The following ATP6V0A1 variants were observed in gnomAD, a reference collection of about 807,000 sequenced individuals.
ATP6V0A1 encodes the protein V-type proton ATPase 116 kDa subunit a 1.
A neutral mutation model predicts 105.4 loss-of-function variants in ATP6V0A1; 43 were observed. That is an observed-to-expected ratio of 0.41 (90% confidence interval 0.32 to 0.53). The LOEUF is 0.53. Ranked by LOEUF, ATP6V0A1 falls within the 20% of genes least tolerant of loss-of-function variation. The pLI is 0.30. For missense variants in ATP6V0A1, 676 were observed against 1,051.1 expected (o/e 0.64, Z 4.93); for synonymous variants, 362 against 372.8 (o/e 0.97, Z 0.33).
At position 42,473,100 on chromosome 17, in the gene ATP6V0A1, T is replaced by C. The variant is rs186150945; in HGVS notation, c.423+2882T>C. ...GGGGAAAAACTCATATGAATTTAAT[T>C]GCCTGGTCCTTTCAAGAGTCAGAAG... On this transcript the variant is annotated intron_variant, in intron 5 of 21. Coordinates refer to ENST00000343619, the MANE Select transcript of ATP6V0A1 (RefSeq NM_001130021.3). Among the ~76,000 whole-genome samples the C allele has an allele frequency of 2.1e-3, 319 of 152,304 alleles. 1 individual carries two copies. The highest frequency in any genetic ancestry group is 7.6e-3 in the African/African-American group (315 of 41,562).
rs2089069562 is a variant in ATP6V0A1, at chr17:42,478,600, G to A, written c.633+11G>A. 1.3e-6 allele frequency: 2 copies of A among 1,565,074 alleles called. No homozygotes were observed. The highest frequency in any genetic ancestry group is 8.7e-7 in the Non-Finnish European group (1 of 1,150,332). ...GAGGATCCTGTGACTGTAAGACAAG[G>A]AGATTGCATCCTGTGGAGTAGGTCT... On this transcript the variant is annotated intron_variant, in intron 7 of 21. Coordinates refer to ENST00000343619, the MANE Select transcript of ATP6V0A1 (RefSeq NM_001130021.3).
intron 11 of ATP6V0A1, among the ~76,000 whole-genome samples, chr17:42,491,682 C>T (rs555913272): frequency 1.1e-4 from 17 of 152,114 alleles, no homozygotes; most frequent in African/African-American, 2.6e-4. Context: ...GGGGTTTCAC[C>T]ATGTTGCCCA....
intron 3 of ATP6V0A1, among the ~76,000 whole-genome samples, chr17:42,467,708 A>G (rs547483202): frequency 1.4e-4 from 21 of 152,144 alleles, no homozygotes; most frequent in Non-Finnish European, 2.4e-4. Flanking sequence ...GCATTCGCGT[A>G]TGGAGGAGAG....
chr17:42,520,608 TAAC>T (rs553378474), intron 21 of ATP6V0A1: 42 of 457,686 alleles, frequency 9.2e-5, no homozygotes, highest in South Asian at 5.9e-4. Flanking sequence ...CAAGGAAAAA[TAAC>T]AAGCAAACAG....
intron 14 of ATP6V0A1, chr17:42,495,959 C>A: frequency 2.9e-6 from 1 of 349,220 alleles, no homozygotes; most frequent in Non-Finnish European, 5.3e-6. Context: ...GTAGTCCCAG[C>A]TACCCGGGAG....
chr17:42,521,072 C>T lies in ATP6V0A1; in HGVS notation c.2466C>T (p.Phe822=), dbSNP rs1431883295. ...NKFYSGTGFK[F]LPFSFEHIRE... is the part of the protein sequence containing the mutation. ...TCTACAGCGGGACCGGTTTCAAGTT[C>T]TTACCCTTCTCCTTCGAGCATATTC... Residue 822 remains phenylalanine (F), a synonymous_variant, in exon 22 of 22, where the codon TTC becomes TTT. Coordinates refer to ENST00000343619, the MANE Select transcript of ATP6V0A1 (RefSeq NM_001130021.3). The surrounding 1 kb of genome is among the most constrained non-coding windows in gnomAD (Gnocchi z 4.8). 1 of 1,610,872 alleles carries T rather than the reference C, an allele frequency of 6.2e-7. No homozygotes were observed. The highest frequency in any genetic ancestry group is 1.1e-5 in the South Asian group (1 of 90,616).
chr17:42,490,424 G>T, intron 10 of ATP6V0A1, 63 bp from the exon 11 acceptor site: 1 of 1,477,168 alleles, frequency 6.8e-7, no homozygotes, highest in East Asian at 2.4e-5. Flanking sequence ...ATGTACACCT[G>T]TGTAACCACT....
At position 42,494,338 on chromosome 17, in the gene ATP6V0A1, G is replaced by T; in HGVS notation, c.1179G>T (p.Pro393=). 6.2e-7 allele frequency: 1 copy of T among 1,612,042 alleles called. No homozygotes were observed. The highest frequency in any genetic ancestry group is 8.5e-7 in the Non-Finnish European group (1 of 1,178,702). ...IGTYREINPA[P]YTIITFPFLF... is the part of the protein sequence containing the mutation. ...CTTTTTTTGGTTTCTTCATAGCTCC[G>T]TATACTATTATCACGTTCCCTTTTC... Residue 393 remains proline (P), a synonymous_variant, in exon 12 of 22, where the codon CCG becomes CCT. Transcript: ENST00000343619.
rs1220167588 is a variant in ATP6V0A1, at chr17:42,490,656, T to G, written c.1174+19T>G. The G allele has an allele frequency of 6.4e-7, 1 of 1,573,714 alleles. No individual in the cohort carries two copies. Among genetic ancestry groups the G allele is most frequent in the Non-Finnish European group, 8.6e-7 (1 of 1,165,650 alleles). On this transcript the variant is annotated intron_variant, in intron 11 of 21. Coordinates refer to ENST00000343619, the MANE Select transcript of ATP6V0A1 (RefSeq NM_001130021.3). ...AATCCAGGTAAAAAAAAGCTTGTTA[T>G]CTTTTTCCTCTAGAGTTTTTTTTGT...
Position 42,500,823 on chromosome 17 carries a change from CT to C in ATP6V0A1, c.1797del (p.His600IlefsTer10). ...TTTTACAAGTGGACGGCCTATGATG[CT>C]CATACCTCTGAGAATGCACCAAGCC... ...LIFYKWTAYD[A>X]HTSENAPSLL... is the part of the protein sequence containing the mutation. On this transcript the variant is annotated frameshift_variant, in exon 16 of 22. Transcript: ENST00000343619. LOFTEE classifies it high-confidence loss of function. The C allele has an allele frequency of 1.2e-6, 2 of 1,614,030 alleles. No individual in the cohort carries two copies. The highest frequency in any genetic ancestry group is 1.7e-6 in the Non-Finnish European group (2 of 1,179,892).
rs531574482 is a variant in ATP6V0A1 at position 42,484,108 on chromosome 17, A to G, written c.810+977A>G. ...ACGGAGTCTCTGTCACCCAGGCTGG[A>G]GTGCAGTGGCGCGATCTCGGCTCAC... On this transcript the variant is annotated intron_variant, in intron 9 of 21. Coordinates refer to ENST00000343619, the MANE Select transcript of ATP6V0A1 (RefSeq NM_001130021.3). 1.1e-3 allele frequency among the ~76,000 whole-genome samples: 170 copies of G among 152,128 alleles called. 1 individual carries two copies. Among genetic ancestry groups the G allele is most frequent in the Middle Eastern group, 3.4e-3 (1 of 294 alleles).
chr17:42,493,156 T>C (rs749100257), intron 11 of ATP6V0A1, among the ~76,000 whole-genome samples: 14 of 152,096 alleles, frequency 9.2e-5, no homozygotes, highest in Middle Eastern at 3.4e-3. Context: ...TTAAATGGCT[T>C]TTTTTTTGGC....
intron 5 of ATP6V0A1, among the ~76,000 whole-genome samples, chr17:42,477,336 G>A (rs1166296311): frequency 6.6e-6 from 1 of 152,184 alleles, no homozygotes; most frequent in East Asian, 1.9e-4. Context: ...ACGTAGGAGA[G>A]AAAATGGCTT....
chr17:42,465,858 C>A (rs1046644190), intron 2 of ATP6V0A1, among the ~76,000 whole-genome samples: 3 of 151,772 alleles, frequency 2.0e-5, no homozygotes, highest in African/African-American at 7.3e-5. Context: ...CCCAGCTACT[C>A]AAGAGGCTGA....
intron 21 of ATP6V0A1, chr17:42,520,433 A>C (rs964587736): frequency 4.4e-6 from 2 of 456,310 alleles, no homozygotes; most frequent in African/African-American, 4.0e-5. Context: ...TTTTCTTTTT[A>C]GTCCCCAAGA....
intron 10 of ATP6V0A1, among the ~76,000 whole-genome samples, chr17:42,490,252 A>G (rs1324911151): frequency 6.6e-6 from 1 of 152,222 alleles, no homozygotes; most frequent in African/African-American, 2.4e-5. Flanking sequence ...AGAGGATCTA[A>G]TAGAAATCTT....
chr17:42,500,994 C>G, intron 16 of ATP6V0A1, 71 bp downstream of exon 16: 4 of 1,504,880 alleles, frequency 2.7e-6, no homozygotes, highest in Non-Finnish European at 3.7e-6. Flanking sequence ...TTCTCTGACC[C>G]TAAAAAATTT....
At chr17:42,463,999 G>A (rs1309608469) in intron 2 of ATP6V0A1, among the ~76,000 whole-genome samples, 1 of 152,180 alleles carries the variant, frequency 6.6e-6, no homozygotes, top group Non-Finnish European at 1.5e-5. Context: ...AGGCTGAGGA[G>A]GAGGAAGGGG....
Position 42,521,766 on chromosome 17 carries a change from C to G in ATP6V0A1, c.*646C>G, listed in dbSNP as rs2092836711. 1 of 152,774 alleles carries G rather than the reference C, an allele frequency of 6.5e-6. No homozygotes were observed. Among genetic ancestry groups the G allele is most frequent in the Non-Finnish European group, 1.5e-5 (1 of 68,422 alleles). The allele number at this position is 152,774 out of a possible 1,614,324, so 9.5% of individuals were successfully genotyped here. A position where few individuals can be genotyped will look rare whatever the true frequency, so the allele number is the denominator to read the frequency against. ...CCCCACCCTGCACTCCCATCCTTTC[C>G]TCTCTCCCCGTTCATGCCCTGCACT... is the stretch of plus-strand genomic sequence containing the variant. On this transcript the variant is annotated 3_prime_UTR_variant, in exon 22 of 22. Coordinates refer to ENST00000343619, the MANE Select transcript of ATP6V0A1 (RefSeq NM_001130021.3). The surrounding 1 kb of genome is among the most constrained non-coding windows in gnomAD (Gnocchi z 4.8).
Sources: gnomAD v4.1 joint callset for allele counts (sites outside exome capture counted in the v4.1 genomes callset) on GRCh38, gnomAD v4.1.1 for gene constraint, Gnocchi (gnomAD v3.1) non-coding constraint, MANE v1.5 for transcripts, NCBI Gene and HGNC (gene_info 2026-07-23, HGNC 2026-07-21) for gene names.